Variants in RBM46 observed in about 807,000 individuals in gnomAD.
RBM46 encodes the protein probable RNA-binding protein 46.
In RBM46, 12 loss-of-function variants were observed where a neutral mutation model predicts 43.3. The ratio of observed to expected loss-of-function variants is 0.28; its 90% CI spans 0.18 to 0.45. RBM46 has a LOEUF of 0.45. RBM46 is among the 20% of genes least tolerant of loss of function. RBM46 has a pLI of 1.00. For missense variants in RBM46, 412 were observed against 639.1 expected (o/e 0.64, Z 3.83); for synonymous variants, 205 against 207.6 (o/e 0.99, Z 0.11).
intron 4 of RBM46, among the ~76,000 whole-genome samples, chr4:154,815,680 A>G (rs1399776828): frequency 6.6e-6 from 1 of 151,974 alleles, no homozygotes; most frequent in Non-Finnish European, 1.5e-5. Flanking sequence ...ATTACTTAAT[A>G]TAGAAGTCCT....
chr4:154,800,569 G>A (rs1301054271), intron 4 of RBM46, among the ~76,000 whole-genome samples: 1 of 152,122 alleles, frequency 6.6e-6, no homozygotes, highest in Non-Finnish European at 1.5e-5. Flanking sequence ...TCACTATGGT[G>A]TTTTCCTACT....
At chr4:154,808,283 A>G (rs1399335150) in intron 4 of RBM46, among the ~76,000 whole-genome samples, 1 of 152,026 alleles carries the variant, frequency 6.6e-6, no homozygotes, top group Admixed American at 6.6e-5. Context: ...TAGAGTAGAT[A>G]AATCTTTGTT....
At chr4:154,825,535 T>C (rs1248559293) in intron 4 of RBM46, among the ~76,000 whole-genome samples, 1 of 152,200 alleles carries the variant, frequency 6.6e-6, no homozygotes, top group African/African-American at 2.4e-5. Context: ...TCTTTGTTAT[T>C]TGTGAAGGAT....
In RBM46 at chr4:154,797,822, C is replaced by A; in HGVS notation, c.163C>A (p.Pro55Thr). 6.5e-7 allele frequency: 1 copy of A among 1,529,454 alleles called. No homozygotes were observed. Among genetic ancestry groups the A allele is most frequent in the Non-Finnish European group, 8.8e-7 (1 of 1,142,734 alleles). The allele number at this position is 1,529,454 out of a possible 1,614,324, so 94.7% of individuals were successfully genotyped here. A position where few individuals can be genotyped will look rare whatever the true frequency, so the allele number is the denominator to read the frequency against. Residue 55 changes from proline to threonine, a missense_variant, in exon 3 of 5, where the codon CCA (proline) becomes ACA (threonine). By Grantham distance (38) the Pro-to-Thr change is conservative. Transcript: ENST00000281722. ...TTTTTGTCGTTCAGGTTGGGAAGGT[C>A]CACCTCCACCTAGAGGCTGTGAAGT... ...FGGPPPGWEG[P>T]PPPRGCEVFV...
At chr4:154,785,604 T>C (rs1733722328) in intron 1 of RBM46, among the ~76,000 whole-genome samples, 1 of 152,292 alleles carries the variant, frequency 6.6e-6, no homozygotes, top group Admixed American at 6.5e-5. Context: ...ATTCTTGTTT[T>C]TTCTCTCACT....
intron 4 of RBM46, among the ~76,000 whole-genome samples, chr4:154,815,634 C>T (rs1008939157): frequency 6.6e-6 from 1 of 151,848 alleles, no homozygotes; most frequent in Non-Finnish European, 1.5e-5. Context: ...TCAAGTCTTG[C>T]TCCTTCATTT....
chr4:154,807,459 G>C (rs955257301), intron 4 of RBM46, among the ~76,000 whole-genome samples: 1 of 151,676 alleles, frequency 6.6e-6, no homozygotes. Context: ...TTATGCTGTA[G>C]CAGTGTAATT....
At chr4:154,788,921 A>G (rs950346658) in intron 1 of RBM46, among the ~76,000 whole-genome samples, 1 of 152,094 alleles carries the variant, frequency 6.6e-6, no homozygotes, top group African/African-American at 2.4e-5. Flanking sequence ...TTGGCTTCCT[A>G]GGTATTTTAT....
chr4:154,792,985 T>G (rs1279068222), intron 1 of RBM46, among the ~76,000 whole-genome samples: 1 of 152,244 alleles, frequency 6.6e-6, no homozygotes, highest in East Asian at 1.9e-4. Flanking sequence ...AAGGGTTACT[T>G]GAGTCCTTAT....
intron 4 of RBM46, among the ~76,000 whole-genome samples, chr4:154,807,219 A>G (rs999721039): frequency 1.3e-5 from 2 of 151,692 alleles, no homozygotes; most frequent in Admixed American, 6.6e-5. Context: ...CCCTAAATAC[A>G]TATTTTGAAT....
At chr4:154,782,729 C>T (rs1478524789) in intron 1 of RBM46, among the ~76,000 whole-genome samples, 1 of 152,182 alleles carries the variant, frequency 6.6e-6, no homozygotes, top group Non-Finnish European at 1.5e-5. Flanking sequence ...GATCCACCCG[C>T]TTCGGCCTCC....
chr4:154,795,760 A>C lies in RBM46; in HGVS notation c.-11-982A>C, dbSNP rs529422471. Among the ~76,000 whole-genome samples, 8 of 152,342 alleles carry C rather than the reference A, an allele frequency of 5.3e-5. No homozygotes were observed. In the South Asian group the frequency reaches 1.7e-3, roughly 32 times the overall value. ...GCATTATGGAGATTTTGAGGGCAAC[A>C]AAATTAAAAGTTGGAACAGCATTTA... is the stretch of plus-strand genomic sequence containing the variant. On this transcript the variant is annotated intron_variant, in intron 1 of 4. Coordinates refer to ENST00000281722, the MANE Select transcript of RBM46 (RefSeq NM_144979.5).
intron 4 of RBM46, among the ~76,000 whole-genome samples, chr4:154,800,753 A>G (rs948110812): frequency 1.3e-5 from 2 of 152,124 alleles, no homozygotes; most frequent in Non-Finnish European, 2.9e-5. Context: ...TTTGAGTGTT[A>G]TCATTGTTTC....
chr4:154,820,471 T>G (rs1029952390), intron 4 of RBM46: 66 of 1,057,492 alleles, frequency 6.2e-5, no homozygotes, highest in Middle Eastern at 4.1e-4. Flanking sequence ...AGTAATATAT[T>G]TAATTGTCAG....
intron 4 of RBM46, among the ~76,000 whole-genome samples, chr4:154,820,667 A>G (rs1180092470): frequency 6.6e-6 from 1 of 151,926 alleles, no homozygotes; most frequent in Non-Finnish European, 1.5e-5. Flanking sequence ...AAGATGGTAA[A>G]CAGTATTATA....
intron 1 of RBM46, among the ~76,000 whole-genome samples, chr4:154,784,107 T>C (rs904868784): frequency 6.6e-6 from 1 of 152,198 alleles, no homozygotes; most frequent in African/African-American, 2.4e-5. Context: ...ATTCAAGAAA[T>C]GTCATAAACA....
chr4:154,789,226 G>A (rs1208873741), intron 1 of RBM46, among the ~76,000 whole-genome samples: 2 of 152,152 alleles, frequency 1.3e-5, no homozygotes, highest in African/African-American at 2.4e-5. Flanking sequence ...AGTAGGAGTG[G>A]TAAGAGAGGG....
At position 154,812,034 on chromosome 4, in the gene RBM46, T is replaced by A. The variant is rs866349768; in HGVS notation, c.1402+12470T>A. On this transcript the variant is annotated intron_variant, in intron 4 of 4. Transcript: ENST00000281722. ...CTTCTTTACTTTTTTTTTTTTTTTT[T>A]AACAAACAGGCTTCAGTATGTTAAA... Among the ~76,000 whole-genome samples the A allele has an allele frequency of 2.8e-4, 43 of 151,022 alleles. 2 individuals are homozygous for A. Among genetic ancestry groups the A allele is most frequent in the African/African-American group, 9.2e-4 (38 of 41,208 alleles).
chr4:154,828,232 G>A lies in RBM46; in HGVS notation c.*165G>A, dbSNP rs1392544. On this transcript the variant is annotated 3_prime_UTR_variant, in exon 5 of 5. Transcript: ENST00000281722. Reference sequence around the variant, plus strand: ...CTATAATTCAGAATAACATGGAGTTGTAGAATTTATAAAAATGCAAAGTTT... The same window carrying A: ...CTATAATTCAGAATAACATGGAGTTATAGAATTTATAAAAATGCAAAGTTT... 0.17 allele frequency: 100,429 copies of A among 602,380 alleles called. 11,440 individuals are homozygous for A. Among genetic ancestry groups the A allele is most frequent in the East Asian group, 0.46 (16,460 of 35,810 alleles). 37.3% of individuals were successfully genotyped at this position (602,380 alleles called of 1,614,324 possible). A position where few individuals can be genotyped will look rare whatever the true frequency, so the allele number is the denominator to read the frequency against.
Sources: allele counts gnomAD v4.1 joint callset (sites outside exome capture counted in the v4.1 genomes callset), GRCh38; gene constraint gnomAD v4.1.1; transcripts MANE v1.5; gene names NCBI Gene and HGNC (gene_info 2026-07-23, HGNC 2026-07-21).